The following CACNB2 variants were observed in gnomAD, a reference collection of about 807,000 sequenced individuals.
CACNB2 encodes calcium voltage-gated channel auxiliary subunit beta 2.
Under a neutral mutation model 73.3 loss-of-function variants are expected in CACNB2, and 42 were observed. That is an observed-to-expected ratio of 0.57 (90% CI 0.45 to 0.74). The LOEUF (loss-of-function observed/expected upper bound fraction) is 0.74, where lower values mean the gene tolerates loss of function less well. CACNB2 is among the 30% of genes least tolerant of loss of function. The probability of loss-of-function intolerance (pLI) is 0.00; values close to 1 mark genes in which losing one functional copy is unlikely to be tolerated. For missense variants in CACNB2, 940 were observed against 853.0 expected (o/e 1.10, Z -1.27); for synonymous variants, 348 against 310.3 (o/e 1.12, Z -1.28).
rs116634220 is a variant in CACNB2, at chr10:18,176,127, G to A, written c.213+25152G>A. On this transcript the variant is annotated intron_variant, in intron 2 of 13. Transcript: ENST00000324631. ...TCTAGTATGCCAAAGACAGTGGTGC[G>A]CTTCCATTCATGACCACATAGTGCT... Among the ~76,000 whole-genome samples the A allele has an allele frequency of 9.3e-3, 1,420 of 152,156 alleles. 7 individuals carry two copies. Among genetic ancestry groups the A allele is most frequent in the African/African-American group, 0.016 (674 of 41,496 alleles).
intron 2 of CACNB2, among the ~76,000 whole-genome samples, chr10:18,304,719 T>C (rs1278781500): frequency 6.6e-6 from 1 of 152,188 alleles, no homozygotes; most frequent in African/African-American, 2.4e-5. Flanking sequence ...TTCCAAAACA[T>C]AAGTAAATCT....
intron 2 of CACNB2, among the ~76,000 whole-genome samples, chr10:18,222,356 T>C (rs1223306905): frequency 2.0e-5 from 3 of 152,108 alleles, no homozygotes; most frequent in Non-Finnish European, 4.4e-5. Context: ...TTGCAATGTT[T>C]AGACCTTATT....
chr10:18,366,768 G>A (rs1362966262), intron 2 of CACNB2, among the ~76,000 whole-genome samples: 1 of 151,404 alleles, frequency 6.6e-6, no homozygotes, highest in Non-Finnish European at 1.5e-5. Context: ...CTCCAGCCTG[G>A]GCAACAAAGC....
At chr10:18,314,395 A>G (rs1265180040) in intron 2 of CACNB2, among the ~76,000 whole-genome samples, 2 of 152,162 alleles carry the variant, frequency 1.3e-5, no homozygotes, top group East Asian at 1.9e-4. Context: ...CAACATGGGG[A>G]AAATGATTGG....
At chr10:18,300,967 G>A (rs2039486813) in intron 2 of CACNB2, among the ~76,000 whole-genome samples, 1 of 152,142 alleles carries the variant, frequency 6.6e-6, no homozygotes, top group Non-Finnish European at 1.5e-5. Context: ...ATTTCCTAAG[G>A]ACTAGTGTCA....
At chr10:18,520,411 C>T (rs2051743299) in intron 9 of CACNB2, among the ~76,000 whole-genome samples, 1 of 152,138 alleles carries the variant, frequency 6.6e-6, no homozygotes, top group Non-Finnish European at 1.5e-5. Flanking sequence ...CCTCTGCCAC[C>T]ATTTTGGTCT....
At chr10:18,330,853 G>A (rs4747342) in intron 2 of CACNB2, among the ~76,000 whole-genome samples, 6,592 of 151,850 alleles carry the variant, frequency 0.043, 222 homozygotes, top group Middle Eastern at 0.079. Context: ...ATTTTTAGTG[G>A]TGATGGGGTT....
chr10:18,241,169 C>T (rs1359345426), intron 2 of CACNB2, among the ~76,000 whole-genome samples: 3 of 152,100 alleles, frequency 2.0e-5, no homozygotes, highest in Non-Finnish European at 4.4e-5. Flanking sequence ...CTTGTGTCTC[C>T]CTAAAATGTG....
At chr10:18,491,819 T>TAAAAAAAAAAAAAAAAAAAAAAA (rs68179779) in intron 3 of CACNB2, among the ~76,000 whole-genome samples, 1 of 65,594 alleles carries the variant, frequency 1.5e-5, no homozygotes, top group Non-Finnish European at 3.1e-5. Context: ...TCAAGTTGGT[T>TAAAAAAAAAAAAAAAAAAAAAAA]AAAAAAAAAA....
At chr10:18,484,958 C>T (rs1006927615) in intron 3 of CACNB2, among the ~76,000 whole-genome samples, 1 of 152,130 alleles carries the variant, frequency 6.6e-6, no homozygotes, top group East Asian at 1.9e-4. Flanking sequence ...AGTTGGAGAC[C>T]AGCCTGGACA....
At chr10:18,214,943 G>A (rs1225053318) in intron 2 of CACNB2, among the ~76,000 whole-genome samples, 2 of 152,172 alleles carry the variant, frequency 1.3e-5, no homozygotes, top group Non-Finnish European at 2.9e-5. Flanking sequence ...AAGGAAGGTA[G>A]AATGTAATGC....
At position 18,531,686 on chromosome 10, in the gene CACNB2, C is replaced by A. The variant is rs113776168; in HGVS notation, c.1055-2390C>A. Among the ~76,000 whole-genome samples the A allele has an allele frequency of 8.3e-3, 1,257 of 152,232 alleles. 21 individuals are homozygous for A. Among genetic ancestry groups the A allele is most frequent in the African/African-American group, 0.029 (1,206 of 41,552 alleles). ...CTCAACAGCATCTGTTATTTTTTGA[C>A]TTTTTAATAACAGCCATTCTAACTG... is the stretch of plus-strand genomic sequence containing the variant. On this transcript the variant is annotated intron_variant, in intron 10 of 13. Coordinates refer to ENST00000324631, the MANE Select transcript of CACNB2 (RefSeq NM_201596.3).
intron 3 of CACNB2, among the ~76,000 whole-genome samples, chr10:18,497,892 G>A (rs1372716233): frequency 2.0e-5 from 3 of 152,046 alleles, no homozygotes; most frequent in East Asian, 1.9e-4. Context: ...TATTTTCCCC[G>A]GCTCTTTTCT....
chr10:18,415,834 C>G (rs2044926469), intron 3 of CACNB2, among the ~76,000 whole-genome samples: 1 of 152,140 alleles, frequency 6.6e-6, no homozygotes, highest in Non-Finnish European at 1.5e-5. Flanking sequence ...CCACAGATGC[C>G]TAGAATCTTT....
At chr10:18,232,623 T>A (rs1435528851) in intron 2 of CACNB2, among the ~76,000 whole-genome samples, 1 of 152,194 alleles carries the variant, frequency 6.6e-6, no homozygotes, top group African/African-American at 2.4e-5. Flanking sequence ...AAGTTTGAGT[T>A]ATCAGGTTGC....
At chr10:18,237,052 A>T (rs933672095) in intron 2 of CACNB2, among the ~76,000 whole-genome samples, 4 of 152,192 alleles carry the variant, frequency 2.6e-5, no homozygotes, top group Admixed American at 2.6e-4. Flanking sequence ...CTGCTTACCC[A>T]GGGATCTCAA....
At chr10:18,494,529 G>T (rs1030741315) in intron 3 of CACNB2, among the ~76,000 whole-genome samples, 10 of 151,820 alleles carry the variant, frequency 6.6e-5, no homozygotes, top group African/African-American at 2.4e-4. Flanking sequence ...CTACTCGGGA[G>T]GCTGAGGCAG....
chr10:18,540,973 A>AAAT lies in CACNB2; in HGVS notation c.*1251_*1253dup, dbSNP rs1406263305. 6.5e-6 allele frequency: 1 copy of AAAT among 152,680 alleles called. No homozygotes were observed. Among genetic ancestry groups the AAAT allele is most frequent in the Non-Finnish European group, 1.5e-5 (1 of 68,056 alleles). 9.5% of individuals were successfully genotyped at this position (152,680 alleles called of 1,614,324 possible). On this transcript the variant is annotated 3_prime_UTR_variant, in exon 14 of 14. Transcript: ENST00000324631. The stretch of plus-strand genomic sequence containing the variant: ...CCTTGTTTTTGCTCCTAGAGAGTGA[A>AAAT]AATACAGGCAATTTTACTGTGAGTG...
intron 2 of CACNB2, among the ~76,000 whole-genome samples, chr10:18,396,502 C>T (rs929490633): frequency 1.3e-5 from 2 of 152,132 alleles, no homozygotes; most frequent in Non-Finnish European, 2.9e-5. Context: ...GACGGAGTCT[C>T]GCTCTGTTGC....
Sources: gnomAD v4.1 joint callset for allele counts (sites outside exome capture counted in the v4.1 genomes callset) on GRCh38, gnomAD v4.1.1 for gene constraint, MANE v1.5 for transcripts, NCBI Gene and HGNC (gene_info 2026-07-23, HGNC 2026-07-21) for gene names.